The following PAK1 variants were observed in gnomAD, a reference collection of about 807,000 sequenced individuals.
The protein encoded by PAK1 is p21 (RAC1) activated kinase 1, also known as serine/threonine-protein kinase PAK 1.
Under a neutral mutation model 67.4 loss-of-function variants are expected in PAK1, and 29 were observed. The observed-to-expected ratio is 0.43, with a 90% CI of 0.32 to 0.59. PAK1 has a LOEUF of 0.59. Among genes scored for constraint, PAK1 ranks in the 20% least tolerant of loss-of-function variants. The probability of loss-of-function intolerance (pLI) is 0.07; values close to 1 mark genes in which losing one functional copy is unlikely to be tolerated. For synonymous variants in PAK1, 223 were observed against 237.4 expected (o/e 0.94, Z 0.56); for missense variants, 337 against 670.7 (o/e 0.50, Z 5.50).
the PAK1 span, among the ~76,000 whole-genome samples, chr11:77,496,984 A>G: frequency 6.6e-6 from 1 of 152,234 alleles, no homozygotes; most frequent in African/African-American, 2.4e-5. Flanking sequence ...ACCCAGAACC[A>G]GTCTCAGTAG....
Position 77,343,945 on chromosome 11 carries a change from T to C in PAK1, c.886-14A>G, listed in dbSNP as rs1264380438. Reference sequence around the variant, plus strand: ...CTTAATGGCCACCTGAAATCAAGAGTATATTCAATGTGCAACCATAGTCAT... The same window carrying C: ...CTTAATGGCCACCTGAAATCAAGAGCATATTCAATGTGCAACCATAGTCAT... On this transcript the variant is annotated splice_polypyrimidine_tract_variant and intron_variant, in intron 9 of 14. Transcript: ENST00000356341. The C allele has an allele frequency of 1.9e-6, 3 of 1,542,582 alleles. No individual in the cohort carries two copies. The South Asian group carries it at 3.3e-5, about 17-fold the overall frequency.
chr11:77,413,315 T>C (rs1026537990), intron 1 of PAK1, among the ~76,000 whole-genome samples: 1 of 152,102 alleles, frequency 6.6e-6, no homozygotes, highest in Non-Finnish European at 1.5e-5. Flanking sequence ...AAAATAGTAA[T>C]GATTTAGACT....
intron 2 of PAK1, 112 bp downstream of exon 2, chr11:77,392,219 A>G: frequency 3.8e-6 from 3 of 781,268 alleles, no homozygotes; most frequent in Non-Finnish European, 5.8e-6. Flanking sequence ...ATTTAACCAG[A>G]AAGAAAACAT....
At chr11:77,431,109 C>T (rs1955837992) in intron 1 of PAK1, among the ~76,000 whole-genome samples, 1 of 152,130 alleles carries the variant, frequency 6.6e-6, no homozygotes, top group Non-Finnish European at 1.5e-5. Flanking sequence ...ATTGTCTTCC[C>T]TGAAACCAGT....
At chr11:77,423,402 T>TACACACACAC (rs5792767) in intron 1 of PAK1, among the ~76,000 whole-genome samples, 67 of 137,018 alleles carry the variant, frequency 4.9e-4, no homozygotes, top group African/African-American at 1.1e-3. Flanking sequence ...TGCTTTCAAA[T>TACACACACAC]ACACACACAC....
At chr11:77,402,211 G>A (rs1301155661) in intron 1 of PAK1, among the ~76,000 whole-genome samples, 1 of 152,186 alleles carries the variant, frequency 6.6e-6, no homozygotes, top group Non-Finnish European at 1.5e-5. Context: ...GAATGAACAA[G>A]TGACTGTATC....
intron 2 of PAK1, among the ~76,000 whole-genome samples, chr11:77,385,907 A>G (rs866876967): frequency 7.2e-5 from 11 of 152,206 alleles, no homozygotes; most frequent in African/African-American, 2.7e-4. Context: ...TTTGTAAACT[A>G]AAGAACTTTA....
the PAK1 span, among the ~76,000 whole-genome samples, chr11:77,503,893 C>CT: frequency 7.2e-5 from 11 of 152,004 alleles, no homozygotes; most frequent in African/African-American, 2.4e-4. Context: ...ATTTATGAAT[C>CT]TTTTTTTTGT....
chr11:77,481,565 C>T, the PAK1 span, among the ~76,000 whole-genome samples: 2 of 150,828 alleles, frequency 1.3e-5, no homozygotes, highest in Non-Finnish European at 2.9e-5. Flanking sequence ...GTCCCAGGTA[C>T]TCAGGAGGCT....
At chr11:77,509,294 T>A in the PAK1 span, among the ~76,000 whole-genome samples, 1 of 152,126 alleles carries the variant, frequency 6.6e-6, no homozygotes, top group African/African-American at 2.4e-5. Context: ...TGAGCCAGCA[T>A]CTGCTGATGG....
At chr11:77,402,361 G>A (rs946126425) in intron 1 of PAK1, among the ~76,000 whole-genome samples, 1 of 152,024 alleles carries the variant, frequency 6.6e-6, no homozygotes, top group Non-Finnish European at 1.5e-5. Flanking sequence ...CCGCACCTAC[G>A]CAACTTCCTC....
chr11:77,392,541 A>T lies in PAK1; in HGVS notation c.-21T>A. The T allele has an allele frequency of 6.4e-7, 1 of 1,570,838 alleles. No homozygotes were observed. The highest frequency in any genetic ancestry group is 2.3e-5 in the East Asian group (1 of 44,088). On this transcript the variant is annotated splice_region_variant and 5_prime_UTR_variant, in exon 2 of 15. Transcript: ENST00000356341. ...GACATTGTCACCACCAGCAGCAGCT[A>T]CTAGAATCAGAAATAAGAACAATAT...
chr11:77,372,839 G>A (rs1357108123), intron 5 of PAK1, among the ~76,000 whole-genome samples: 1 of 152,106 alleles, frequency 6.6e-6, no homozygotes, highest in Non-Finnish European at 1.5e-5. Context: ...CCCTGCTCTA[G>A]ATAACTAACT....
chr11:77,526,471 T>G, the PAK1 span, among the ~76,000 whole-genome samples: 2 of 152,204 alleles, frequency 1.3e-5, no homozygotes, highest in Non-Finnish European at 2.9e-5. Flanking sequence ...TTTATTGAAT[T>G]ATAACTGTAG....
chr11:77,483,376 G>C, the PAK1 span, among the ~76,000 whole-genome samples: 2 of 152,182 alleles, frequency 1.3e-5, no homozygotes, highest in African/African-American at 4.8e-5. Flanking sequence ...ATGGGATGAG[G>C]AAAGTGAGGA....
chr11:77,417,139 T>C (rs1955008049), intron 1 of PAK1, among the ~76,000 whole-genome samples: 1 of 152,200 alleles, frequency 6.6e-6, no homozygotes, highest in Non-Finnish European at 1.5e-5. Flanking sequence ...TCCTAGGTAT[T>C]TACTCAAATG....
At chr11:77,353,657 T>C in intron 7 of PAK1, 58 bp from the exon 8 acceptor site, 1 of 1,359,044 alleles carries the variant, frequency 7.4e-7, no homozygotes, top group Non-Finnish European at 1.1e-6. Context: ...ACAAAAAAGG[T>C]TCCACATTTC....
At chr11:77,461,259 G>GTT (rs1185744645) in intron 1 of PAK1, among the ~76,000 whole-genome samples, 1 of 152,200 alleles carries the variant, frequency 6.6e-6, no homozygotes, top group Non-Finnish European at 1.5e-5. Flanking sequence ...ACACCTGATA[G>GTT]TTTTATGTGT....
At chr11:77,465,004 GTGTGTGTGTC>G (rs981594424) in intron 1 of PAK1, among the ~76,000 whole-genome samples, 27 of 150,056 alleles carry the variant, frequency 1.8e-4, no homozygotes, top group African/African-American at 3.2e-4. Context: ...GTGTGTGTGT[GTGTGTGTGTC>G]TGTGTGTGTG....
Sources: gnomAD v4.1 joint callset for allele counts (sites outside exome capture counted in the v4.1 genomes callset) on GRCh38, gnomAD v4.1.1 for gene constraint, MANE v1.5 for transcripts, NCBI Gene and HGNC (gene_info 2026-07-23, HGNC 2026-07-21) for gene names.